ARHGEF6: variants seen among roughly 807,000 people sequenced by gnomAD.
The protein encoded by ARHGEF6 is Rac/Cdc42 guanine nucleotide exchange factor 6.
Under a neutral mutation model 70.3 loss-of-function variants are expected in ARHGEF6, and 9 were observed. The observed-to-expected ratio is 0.13, with a 90% CI of 0.08 to 0.22. ARHGEF6 has a LOEUF of 0.22. Ranked by LOEUF, ARHGEF6 falls within the 10% of genes least tolerant of loss-of-function variation. ARHGEF6 has a pLI of 1.00. For missense variants in ARHGEF6, 470 were observed against 563.0 expected, an observed-to-expected ratio of 0.83 and a Z score of 1.67; for synonymous variants, 201 against 207.8, an observed-to-expected ratio of 0.97 and a Z score of 0.28.
intron 17 of ARHGEF6, 106 bp from the exon 18 acceptor site, chrX:136,676,823 C>G: frequency 1.8e-6 from 1 of 557,549 alleles, no homozygotes; most frequent in Non-Finnish European, 3.1e-6. Flanking sequence ...TTGACAGTCT[C>G]AGTTAGGAGT....
chrX:136,703,215 A>G (rs1261237655), intron 9 of ARHGEF6, among the ~76,000 whole-genome samples: 1 of 112,473 alleles, frequency 8.9e-6, no homozygotes, highest in Non-Finnish European at 1.9e-5. Flanking sequence ...AACAACAACA[A>G]AACAACATAT....
Position 136,712,255 on chromosome X carries a change from T to C in ARHGEF6, c.827+1021A>G, listed in dbSNP as rs367824273. On this transcript the variant is annotated intron_variant, in intron 7 of 21. Transcript: ENST00000250617. ...TCCCAAGTAGTTGGGATTACAGGCT[T>C]GCACTACCACGCCCGGCTAATTTGC... Among the ~76,000 whole-genome samples, 379 of 111,304 alleles carry C rather than the reference T, an allele frequency of 3.4e-3. 2 individuals carry two copies. The highest frequency in any genetic ancestry group is 0.012 in the African/African-American group (356 of 30,604).
rs2076632904 is a variant in ARHGEF6 at position 136,706,943 on chromosome X, G to T, written c.1011C>A (p.Asn337Lys). The change falls in exon 9 of 22, where the codon AAC becomes AAA. Residue 337 changes from asparagine (N) to lysine (K), a missense_variant. Transcript: ENST00000250617. ...FKSMYLAYCA[N>K]HPSAVNVLTQ... is the part of the protein sequence containing the mutation. ...TGAGCACATTTACAGCTGAAGGATG[G>T]TTTGCACAGTAAGCCAGATACATAG... The T allele has an allele frequency of 8.3e-7, 1 of 1,211,599 alleles. No individual in the cohort carries two copies. Among genetic ancestry groups the T allele is most frequent in the African/African-American group, 1.7e-5 (1 of 57,842 alleles).
chrX:136,768,911 G>A (rs747321687), intron 2 of ARHGEF6, among the ~76,000 whole-genome samples: 7 of 107,597 alleles, frequency 6.5e-5, no homozygotes, highest in Non-Finnish European at 1.2e-4. Flanking sequence ...GGAATGAGGG[G>A]GTGGGGGCAG....
At chrX:136,750,999 TTTTG>T (rs1178910478) in intron 2 of ARHGEF6, among the ~76,000 whole-genome samples, 3 of 110,387 alleles carry the variant, frequency 2.7e-5, no homozygotes. Context: ...TTGTTTTTGT[TTTTG>T]TTTTTGTATT....
At chrX:136,777,226 AAAAAC>A (rs1234742384) in intron 2 of ARHGEF6, among the ~76,000 whole-genome samples, 1 of 111,985 alleles carries the variant, frequency 8.9e-6, no homozygotes, top group Non-Finnish European at 1.9e-5. Context: ...CTCAGTCTCA[AAAAAC>A]AAAACAAAAC....
chrX:136,697,062 A>G (rs747743203), intron 9 of ARHGEF6, among the ~76,000 whole-genome samples: 8 of 111,130 alleles, frequency 7.2e-5, no homozygotes, highest in Middle Eastern at 4.6e-3. Flanking sequence ...AGAGAGTTCC[A>G]TGCTGGAAAA....
At chrX:136,764,518 C>T (rs1478318411) in intron 2 of ARHGEF6, among the ~76,000 whole-genome samples, 3 of 111,872 alleles carry the variant, frequency 2.7e-5, no homozygotes, top group Non-Finnish European at 1.9e-5. Context: ...TGAAAGAAAC[C>T]TCATACAAAC....
At chrX:136,777,076 T>G (rs2077411581) in intron 2 of ARHGEF6, among the ~76,000 whole-genome samples, 1 of 110,321 alleles carries the variant, frequency 9.1e-6, no homozygotes, top group Non-Finnish European at 1.9e-5. Context: ...AACACAAAAA[T>G]TAGCCAGGCA....
At chrX:136,712,261 A>G (rs1019120617) in intron 7 of ARHGEF6, among the ~76,000 whole-genome samples, 2 of 110,871 alleles carry the variant, frequency 1.8e-5, no homozygotes, top group Non-Finnish European at 3.8e-5. Context: ...GGCTTGCACT[A>G]CCACGCCCGG....
In ARHGEF6 at chrX:136,676,722, G is replaced by A; in HGVS notation, c.1852-5C>T. Reference sequence around the variant, plus strand: ...TTTAGGGCTTTTACTAGACTCCTGTGAGGACAGAGGTTTCTTAATGAATTA... The same window carrying A: ...TTTAGGGCTTTTACTAGACTCCTGTAAGGACAGAGGTTTCTTAATGAATTA... On this transcript the variant is annotated splice_polypyrimidine_tract_variant and splice_region_variant and intron_variant, in intron 17 of 21. Transcript: ENST00000250617. The A allele has an allele frequency of 8.7e-7, 1 of 1,152,446 alleles. No homozygotes were observed. The highest frequency in any genetic ancestry group is 1.2e-6 in the Non-Finnish European group (1 of 841,714). 95.0% of individuals were successfully genotyped at this position (1,152,446 alleles called of 1,213,427 possible). A position where few individuals can be genotyped will look rare whatever the true frequency, so the allele number is the denominator to read the frequency against.
chrX:136,719,240 A>G (rs1452607427), intron 6 of ARHGEF6, among the ~76,000 whole-genome samples: 1 of 110,640 alleles, frequency 9.0e-6, no homozygotes, highest in African/African-American at 3.3e-5. Flanking sequence ...CCTCAAGCCT[A>G]CATGAAACAT....
At chrX:136,674,634 A>G (rs893279647) in intron 19 of ARHGEF6, among the ~76,000 whole-genome samples, 1 of 112,364 alleles carries the variant, frequency 8.9e-6, no homozygotes, top group Non-Finnish European at 1.9e-5. Context: ...AAATCTGCCT[A>G]TAAGAAGAGA....
At chrX:136,692,547 A>G (rs998579839) in intron 9 of ARHGEF6, among the ~76,000 whole-genome samples, 9 of 112,231 alleles carry the variant, frequency 8.0e-5, no homozygotes, top group African/African-American at 2.9e-4. Context: ...GATAAAACCT[A>G]CTTCCTAATA....
intron 2 of ARHGEF6, among the ~76,000 whole-genome samples, chrX:136,759,627 C>CA (rs34641907): frequency 0.083 from 4,527 of 54,309 alleles, 231 homozygotes; most frequent in African/African-American, 0.21. Flanking sequence ...AGGACTCTGT[C>CA]AAAAAAAAAA....
At chrX:136,711,079 A>G (rs1266741848) in intron 7 of ARHGEF6, among the ~76,000 whole-genome samples, 1 of 112,333 alleles carries the variant, frequency 8.9e-6, no homozygotes, top group Non-Finnish European at 1.9e-5. Context: ...TAGTACTAAC[A>G]TTAGTACAGC....
chrX:136,734,797 T>C (rs2076969572), intron 5 of ARHGEF6, among the ~76,000 whole-genome samples: 1 of 112,104 alleles, frequency 8.9e-6, no homozygotes, highest in African/African-American at 3.2e-5. Context: ...AATTGTATAC[T>C]ATGGGATTCA....
chrX:136,745,094 ATAAT>A, intron 4 of ARHGEF6, 125 bp downstream of exon 4: 4 of 911,002 alleles, frequency 4.4e-6, no homozygotes, highest in Non-Finnish European at 6.3e-6. Flanking sequence ...TGCTCGGTTT[ATAAT>A]TAGTTTTCTC....
At chrX:136,696,031 A>G (rs2076506271) in intron 9 of ARHGEF6, among the ~76,000 whole-genome samples, 2 of 111,942 alleles carry the variant, frequency 1.8e-5, no homozygotes, top group South Asian at 3.7e-4. Flanking sequence ...TGCTTAGTAT[A>G]CATTATTTCA....
Sources: allele counts gnomAD v4.1 joint callset (sites outside exome capture counted in the v4.1 genomes callset), GRCh38; gene constraint gnomAD v4.1.1; transcripts MANE v1.5; gene names NCBI Gene and HGNC (gene_info 2026-07-23, HGNC 2026-07-21).